SLC16A10: variants seen among roughly 807,000 people sequenced by gnomAD.
The protein encoded by SLC16A10 is solute carrier family 16 member 10, also known as monocarboxylate transporter 10.
In SLC16A10, 27 loss-of-function variants were observed where a neutral mutation model predicts 40.0. That is an observed-to-expected ratio of 0.67 (90% CI 0.50 to 0.93). The LOEUF (loss-of-function observed/expected upper bound fraction) is 0.93, where lower values mean the gene tolerates loss of function less well. SLC16A10 is among the 40% of genes least tolerant of loss of function. The probability of loss-of-function intolerance (pLI) is 0.00; values close to 1 mark genes in which losing one functional copy is unlikely to be tolerated. For missense variants in SLC16A10, 529 were observed against 658.2 expected, an observed-to-expected ratio of 0.80 and a Z score of 2.15; for synonymous variants, 213 against 249.8, an observed-to-expected ratio of 0.85 and a Z score of 1.39.
chr6:111,139,468 A>AT (rs1308561117), intron 1 of SLC16A10, among the ~76,000 whole-genome samples: 4 of 152,032 alleles, frequency 2.6e-5, no homozygotes, highest in South Asian at 4.2e-4. Flanking sequence ...CATCCAGCTA[A>AT]TTTTTTTATT....
intron 4 of SLC16A10, among the ~76,000 whole-genome samples, chr6:111,216,616 C>T (rs907657626): frequency 6.7e-6 from 1 of 149,842 alleles, no homozygotes; most frequent in African/African-American, 2.5e-5. Flanking sequence ...GGGGTTTCAC[C>T]GTGTTAGCCA....
rs149807124 is a variant in SLC16A10 at position 111,109,454 on chromosome 6, A to ATTTT, written c.343+21373_343+21376dup. On this transcript the variant is annotated intron_variant, in intron 1 of 5. Transcript: ENST00000368851. ...GTATTCCATTGTATGCCTATGCCAC[A>ATTTT]TTTTTTTTTTTTTTTTTCGAGACAG... 1.6e-4 allele frequency among the ~76,000 whole-genome samples: 18 copies of ATTTT among 115,788 alleles called. No homozygotes were observed. The East Asian group carries it at 4.3e-3, about 28-fold the overall frequency. 76.0% of individuals were successfully genotyped at this position (115,788 alleles called of 152,430 possible).
chr6:111,179,372 T>C (rs962571292), intron 3 of SLC16A10, among the ~76,000 whole-genome samples: 1 of 152,220 alleles, frequency 6.6e-6, no homozygotes, highest in Non-Finnish European at 1.5e-5. Flanking sequence ...ACAGATCTAT[T>C]GTTAATAGAG....
intron 1 of SLC16A10, among the ~76,000 whole-genome samples, chr6:111,133,822 G>A (rs1300249582): frequency 1.3e-5 from 2 of 152,082 alleles, no homozygotes; most frequent in Non-Finnish European, 2.9e-5. Context: ...ATATTCCCTG[G>A]TTATGCACCC....
intron 3 of SLC16A10, among the ~76,000 whole-genome samples, chr6:111,200,859 C>G (rs1349758082): frequency 6.6e-6 from 1 of 152,050 alleles, no homozygotes; most frequent in Non-Finnish European, 1.5e-5. Context: ...TGGATATTTT[C>G]TTAGAATTAC....
At chr6:111,196,412 G>T (rs2114572404) in intron 3 of SLC16A10, among the ~76,000 whole-genome samples, 1 of 152,242 alleles carries the variant, frequency 6.6e-6, no homozygotes, top group African/African-American at 2.4e-5. Flanking sequence ...GCTACTTAGG[G>T]GGTTGAGGTG....
chr6:111,153,086 G>A (rs1268675996), intron 1 of SLC16A10, among the ~76,000 whole-genome samples: 1 of 152,176 alleles, frequency 6.6e-6, no homozygotes, highest in Non-Finnish European at 1.5e-5. Flanking sequence ...AGAGCCAATA[G>A]GGTGGAACAT....
chr6:111,116,478 A>G (rs1771489144), intron 1 of SLC16A10, among the ~76,000 whole-genome samples: 1 of 152,168 alleles, frequency 6.6e-6, no homozygotes, highest in Non-Finnish European at 1.5e-5. Flanking sequence ...TCAGCCTCCC[A>G]AAGTGCTGGG....
chr6:111,192,256 G>A (rs1220949943), intron 3 of SLC16A10, among the ~76,000 whole-genome samples: 1 of 152,098 alleles, frequency 6.6e-6, no homozygotes, highest in East Asian at 1.9e-4. Context: ...ATCCTCTCAA[G>A]TTCAAAGTTC....
intron 1 of SLC16A10, among the ~76,000 whole-genome samples, chr6:111,152,651 A>T (rs933029405): frequency 6.6e-6 from 1 of 152,238 alleles, no homozygotes; most frequent in Non-Finnish European, 1.5e-5. Context: ...GTATGCTGTA[A>T]GTAATTTTAC....
At chr6:111,130,597 C>T (rs1243813961) in intron 1 of SLC16A10, among the ~76,000 whole-genome samples, 6 of 152,146 alleles carry the variant, frequency 3.9e-5, no homozygotes, top group Non-Finnish European at 4.4e-5. Flanking sequence ...ATGCTGCAGC[C>T]TCACCAGGCA....
At chr6:111,218,645 G>A (rs920993237) in intron 4 of SLC16A10, among the ~76,000 whole-genome samples, 169 bp from the exon 5 acceptor site, 4 of 152,120 alleles carry the variant, frequency 2.6e-5, no homozygotes, top group Admixed American at 1.3e-4. Context: ...AGGGGAACTC[G>A]AAGGAGATGA....
rs570430180 is a variant in SLC16A10, at chr6:111,222,667, A to C, written c.*432A>C. The C allele has an allele frequency of 6.2e-6, 1 of 161,436 alleles. No homozygotes were observed. The highest frequency in any genetic ancestry group is 1.3e-5 in the Non-Finnish European group (1 of 75,214). The allele number at this position is 161,436 out of a possible 1,614,324, so 10.0% of individuals were successfully genotyped here. A position where few individuals can be genotyped will look rare whatever the true frequency, so the allele number is the denominator to read the frequency against. On this transcript the variant is annotated 3_prime_UTR_variant, in exon 6 of 6. Transcript: ENST00000368851. ...TTTTACTTTCTTATGCTCTTTGGAA[A>C]CTTTTTGCAAAATTTAAGCCTGGGT...
At chr6:111,099,135 A>T (rs931811355) in intron 1 of SLC16A10, among the ~76,000 whole-genome samples, 3 of 152,224 alleles carry the variant, frequency 2.0e-5, no homozygotes, top group African/African-American at 7.2e-5. Flanking sequence ...TCTATAATGT[A>T]GTGGTAACAC....
Position 111,162,276 on chromosome 6 carries a change from A to G in SLC16A10, c.344-10419A>G, listed in dbSNP as rs560208288. Among the ~76,000 whole-genome samples the G allele has an allele frequency of 2.6e-5, 4 of 152,358 alleles. No homozygotes were observed. The South Asian group carries it at 8.3e-4, about 32-fold the overall frequency. On this transcript the variant is annotated intron_variant, in intron 1 of 5. Transcript: ENST00000368851. ...GGCTTTGATGGAACTCTGTTCCACA[A>G]GGAATTTCAGATAAGACCTTTTAAA... is the stretch of plus-strand genomic sequence containing the variant.
chr6:111,096,615 A>G (rs1771078861), intron 1 of SLC16A10, among the ~76,000 whole-genome samples: 1 of 152,228 alleles, frequency 6.6e-6, no homozygotes, highest in South Asian at 2.1e-4. Flanking sequence ...CAGCAAAAGT[A>G]ATTCCTCACC....
intron 1 of SLC16A10, among the ~76,000 whole-genome samples, chr6:111,165,400 TGAAAAA>T (rs1156914357): frequency 2.0e-5 from 3 of 152,196 alleles, no homozygotes; most frequent in Non-Finnish European, 4.4e-5. Context: ...TTCAGTTGAC[TGAAAAA>T]GAAAATCTTT....
At chr6:111,153,403 C>T (rs1222845643) in intron 1 of SLC16A10, among the ~76,000 whole-genome samples, 2 of 152,018 alleles carry the variant, frequency 1.3e-5, no homozygotes, top group Admixed American at 1.3e-4. Context: ...GGAGCAGTGG[C>T]ACGTGCCTCT....
intron 1 of SLC16A10, among the ~76,000 whole-genome samples, chr6:111,143,672 T>A (rs1411620515): frequency 6.6e-6 from 1 of 152,156 alleles, no homozygotes; most frequent in African/African-American, 2.4e-5. Flanking sequence ...AATAAAAAGA[T>A]GAATTGTCAG....
Sources: gnomAD v4.1 joint callset for allele counts (sites outside exome capture counted in the v4.1 genomes callset) on GRCh38, gnomAD v4.1.1 for gene constraint, MANE v1.5 for transcripts, NCBI Gene and HGNC (gene_info 2026-07-23, HGNC 2026-07-21) for gene names.